Variants in INPP4B observed in about 807,000 individuals in gnomAD.
INPP4B encodes inositol polyphosphate-4-phosphatase type II B.
Under a neutral mutation model 122.5 loss-of-function variants are expected in INPP4B, and 55 were observed. That is an observed-to-expected ratio of 0.45 (90% CI 0.36 to 0.56). INPP4B has a LOEUF of 0.56. Among genes scored for constraint, INPP4B ranks in the 20% least tolerant of loss-of-function variants. INPP4B has a pLI of 0.00. For missense variants in INPP4B, 1,000 were observed against 1,097.7 expected (o/e 0.91, Z 1.26); for synonymous variants, 403 against 388.7 (o/e 1.04, Z -0.43).
intron 25 of INPP4B, among the ~76,000 whole-genome samples, chr4:142,067,140 C>A (rs1373697362): frequency 6.6e-6 from 1 of 152,174 alleles, no homozygotes; most frequent in African/African-American, 2.4e-5. Flanking sequence ...GAGGAAGGAT[C>A]AGGCAACAAC....
chr4:142,763,390 TATTA>T (rs1424979830), intron 1 of INPP4B, among the ~76,000 whole-genome samples: 1 of 152,194 alleles, frequency 6.6e-6, no homozygotes, highest in East Asian at 1.9e-4. Flanking sequence ...TTTTGATAGA[TATTA>T]ATTAATGTTC....
chr4:142,311,673 C>T (rs1368373269), intron 8 of INPP4B, among the ~76,000 whole-genome samples: 1 of 152,150 alleles, frequency 6.6e-6, no homozygotes, highest in African/African-American at 2.4e-5. Context: ...AATAGCACCT[C>T]AGTTTTGTTT....
intron 2 of INPP4B, among the ~76,000 whole-genome samples, chr4:142,568,517 T>C (rs900732675): frequency 1.3e-5 from 2 of 152,180 alleles, no homozygotes; most frequent in African/African-American, 4.8e-5. Context: ...CATTTCCTTA[T>C]TCACTTTATT....
intron 2 of INPP4B, among the ~76,000 whole-genome samples, chr4:142,709,326 A>G (rs1425808675): frequency 1.3e-5 from 2 of 151,922 alleles, no homozygotes; most frequent in Non-Finnish European, 2.9e-5. Context: ...GCTTTGGGGG[A>G]CTGTTAAGAA....
At chr4:142,623,396 G>C (rs1010199808) in intron 2 of INPP4B, among the ~76,000 whole-genome samples, 2 of 151,794 alleles carry the variant, frequency 1.3e-5, no homozygotes, top group Non-Finnish European at 2.9e-5. Context: ...GACTGGAGTT[G>C]ACACACAAGC....
intron 2 of INPP4B, among the ~76,000 whole-genome samples, chr4:142,603,922 AC>A (rs1361763950): frequency 2.0e-5 from 3 of 152,122 alleles, no homozygotes; most frequent in Non-Finnish European, 1.5e-5. Context: ...ACACACACAC[AC>A]ACACACAAAG....
At chr4:142,147,954 T>C (rs549806085) in intron 17 of INPP4B, among the ~76,000 whole-genome samples, 32 of 152,298 alleles carry the variant, frequency 2.1e-4, no homozygotes, top group African/African-American at 7.7e-4. Flanking sequence ...GTAAGTAACC[T>C]GATGGTCTTG....
intron 9 of INPP4B, among the ~76,000 whole-genome samples, chr4:142,276,608 C>G (rs1748534790): frequency 6.6e-6 from 1 of 151,818 alleles, no homozygotes; most frequent in Non-Finnish European, 1.5e-5. Context: ...TCTCACAAGA[C>G]TTATGTGATC....
At chr4:142,114,842 T>C (rs559007718) in intron 21 of INPP4B, among the ~76,000 whole-genome samples, 2 of 152,058 alleles carry the variant, frequency 1.3e-5, no homozygotes, top group African/African-American at 4.8e-5. Flanking sequence ...ACTAATTACC[T>C]AAACCGGTAA....
At chr4:142,081,965 A>G (rs1774103318) in intron 25 of INPP4B, 66 bp downstream of exon 25, 2 of 1,040,592 alleles carry the variant, frequency 1.9e-6, no homozygotes, top group Non-Finnish European at 2.6e-6. Context: ...ATGTATTTTG[A>G]AAAAAAAAAT....
chr4:142,216,983 G>T (rs1477418808), intron 12 of INPP4B, among the ~76,000 whole-genome samples: 4 of 152,060 alleles, frequency 2.6e-5, no homozygotes, highest in African/African-American at 7.2e-5. Flanking sequence ...GGTTGTTGTA[G>T]GTATAGGGAC....
intron 10 of INPP4B, among the ~76,000 whole-genome samples, chr4:142,267,629 C>A (rs557400656): frequency 3.9e-5 from 6 of 152,212 alleles, no homozygotes; most frequent in African/African-American, 1.4e-4. Flanking sequence ...AGGAAGAAAA[C>A]ATTTAAAAAT....
At chr4:142,611,630 C>CTT (rs1560863610) in intron 2 of INPP4B, among the ~76,000 whole-genome samples, 1 of 90,732 alleles carries the variant, frequency 1.1e-5, no homozygotes, top group African/African-American at 4.1e-5. Flanking sequence ...TCTGTTTTTT[C>CTT]TTTTTTCTTT....
chr4:142,685,911 C>A (rs1452131080), intron 2 of INPP4B, among the ~76,000 whole-genome samples: 2 of 151,962 alleles, frequency 1.3e-5, no homozygotes, highest in Non-Finnish European at 2.9e-5. Context: ...AAATTGAGTA[C>A]ATAAACTATA....
intron 2 of INPP4B, among the ~76,000 whole-genome samples, chr4:142,552,303 A>G (rs193150875): frequency 6.6e-6 from 1 of 152,298 alleles, no homozygotes; most frequent in Non-Finnish European, 1.5e-5. Context: ...ACCTGAGATT[A>G]TGCATTTCTA....
rs180855092 is a variant in INPP4B at position 142,571,509 on chromosome 4, G to A, written c.-190-108783C>T. ...ATGATTATATATAATCATAAATGCC[G>A]GAGAAACTTTGTTCTGAGTTTCACT... On this transcript the variant is annotated intron_variant, in intron 2 of 25. Transcript: ENST00000262992. Among the ~76,000 whole-genome samples, 97 of 152,042 alleles carry A rather than the reference G, an allele frequency of 6.4e-4. No homozygotes were observed. The East Asian group carries it at 9.3e-3, about 15-fold the overall frequency.
At chr4:142,298,287 C>T (rs1007722770) in intron 9 of INPP4B, among the ~76,000 whole-genome samples, 1 of 152,090 alleles carries the variant, frequency 6.6e-6, no homozygotes, top group Non-Finnish European at 1.5e-5. Flanking sequence ...TAACACTAGA[C>T]CTGTCTGAAA....
At chr4:142,154,380 A>G (rs1422489967) in intron 17 of INPP4B, among the ~76,000 whole-genome samples, 1 of 152,174 alleles carries the variant, frequency 6.6e-6, no homozygotes, top group Non-Finnish European at 1.5e-5. Context: ...GAAGGCCTTC[A>G]TTAGTCATGA....
chr4:142,426,809 A>C (rs1477152330), intron 5 of INPP4B: 1 of 151,978 alleles, frequency 6.6e-6, no homozygotes, highest in Non-Finnish European at 1.5e-5. Context: ...TGTTTTCCTA[A>C]TTTAGAAAGC....
Sources: allele counts gnomAD v4.1 joint callset (sites outside exome capture counted in the v4.1 genomes callset), GRCh38; gene constraint gnomAD v4.1.1; transcripts MANE v1.5; gene names NCBI Gene and HGNC (gene_info 2026-07-23, HGNC 2026-07-21).